MAGI2: variants seen among roughly 807,000 people sequenced by gnomAD.
The protein encoded by MAGI2 is membrane-associated guanylate kinase, WW and PDZ domain-containing protein 2.
A neutral mutation model predicts 133.3 loss-of-function variants in MAGI2; 35 were observed. That is an observed-to-expected ratio of 0.26 (90% confidence interval 0.20 to 0.35). MAGI2 has a LOEUF of 0.35. MAGI2 is among the 10% of genes least tolerant of loss of function. The pLI is 1.00. For synonymous variants in MAGI2, 729 were observed against 710.6 expected (o/e 1.03, Z -0.41); for missense variants, 1,636 against 1,863.4 (o/e 0.88, Z 2.25).
intron 2 of MAGI2, among the ~76,000 whole-genome samples, chr7:78,846,278 T>C (rs1792597899): frequency 6.6e-6 from 1 of 151,942 alleles, no homozygotes; most frequent in African/African-American, 2.4e-5. Flanking sequence ...AAATATGCCT[T>C]TTTCAAAGTG....
At chr7:78,433,447 T>G (rs1799981590) in intron 6 of MAGI2, among the ~76,000 whole-genome samples, 1 of 152,104 alleles carries the variant, frequency 6.6e-6, no homozygotes, top group African/African-American at 2.4e-5. Flanking sequence ...ATTTGTTTCC[T>G]CTCAGCCTGC....
intron 6 of MAGI2, among the ~76,000 whole-genome samples, chr7:78,402,546 C>A (rs1269327133): frequency 1.3e-5 from 2 of 152,164 alleles, no homozygotes; most frequent in Non-Finnish European, 2.9e-5. Context: ...TCATGCTATA[C>A]AGTCTTATTC....
chr7:78,326,189 T>C (rs548160014), intron 9 of MAGI2, among the ~76,000 whole-genome samples: 31 of 152,198 alleles, frequency 2.0e-4, no homozygotes, highest in Non-Finnish European at 4.3e-4. Flanking sequence ...CCCAGGCTCA[T>C]AGTAAATGCT....
At chr7:79,133,485 T>C (rs1367745933) in intron 1 of MAGI2, among the ~76,000 whole-genome samples, 1 of 152,218 alleles carries the variant, frequency 6.6e-6, no homozygotes, top group African/African-American at 2.4e-5. Context: ...ATTTCTGGGA[T>C]CTCTGTTCTG....
chr7:78,973,032 G>A (rs892908292), intron 2 of MAGI2, among the ~76,000 whole-genome samples: 6 of 151,578 alleles, frequency 4.0e-5, no homozygotes, highest in African/African-American at 1.5e-4. Flanking sequence ...AGTAGTTACA[G>A]GTACAAAAAC....
intron 2 of MAGI2, among the ~76,000 whole-genome samples, chr7:78,751,734 A>G (rs1490318155): frequency 6.6e-6 from 1 of 152,222 alleles, no homozygotes; most frequent in East Asian, 1.9e-4. Flanking sequence ...ACTATAATAT[A>G]TGATTATCTG....
At chr7:79,050,753 C>A (rs1812602830) in intron 1 of MAGI2, among the ~76,000 whole-genome samples, 1 of 152,206 alleles carries the variant, frequency 6.6e-6, no homozygotes, top group South Asian at 2.1e-4. Context: ...AAGTTTGACT[C>A]ACCAACATTC....
intron 10 of MAGI2, among the ~76,000 whole-genome samples, chr7:78,220,241 C>T (rs150538299): frequency 1.1e-3 from 174 of 152,266 alleles, no homozygotes; most frequent in African/African-American, 3.9e-3. Context: ...TTGCCTGGCA[C>T]GAAGTTACCT....
intron 1 of MAGI2, among the ~76,000 whole-genome samples, chr7:79,069,467 C>T (rs919512849): frequency 6.6e-5 from 10 of 152,162 alleles, no homozygotes; most frequent in African/African-American, 2.2e-4. Context: ...TTCCTCCATC[C>T]TTTTATTTTG....
chr7:78,885,692 A>C (rs1188325262), intron 2 of MAGI2, among the ~76,000 whole-genome samples: 2 of 151,608 alleles, frequency 1.3e-5, no homozygotes, highest in Non-Finnish European at 2.9e-5. Context: ...TCCATGTTTA[A>C]AATGTATACA....
intron 9 of MAGI2, among the ~76,000 whole-genome samples, chr7:78,311,274 G>A (rs1332826734): frequency 6.6e-6 from 1 of 152,186 alleles, no homozygotes; most frequent in Admixed American, 6.5e-5. Context: ...GATCCCAGGA[G>A]CAGTGGGGAG....
intron 1 of MAGI2, among the ~76,000 whole-genome samples, chr7:79,367,858 C>CACATATATATATATATGTGACACATAT: frequency 2.1e-4 from 18 of 87,142 alleles, no homozygotes; most frequent in African/African-American, 7.4e-4. Flanking sequence ...ATATATGTGA[C>CACATATATATATATATGTGACACATAT]ATATATATAT....
chr7:78,292,187 T>A (rs1010828397), intron 9 of MAGI2, among the ~76,000 whole-genome samples: 1 of 152,146 alleles, frequency 6.6e-6, no homozygotes, highest in African/African-American at 2.4e-5. Flanking sequence ...GAAAACCCCA[T>A]TGTCTCAGCC....
chr7:78,573,309 T>C (rs1392640004), intron 3 of MAGI2, among the ~76,000 whole-genome samples: 3 of 48,858 alleles, frequency 6.1e-5, no homozygotes, highest in African/African-American at 2.4e-4. Context: ...TATTTATATA[T>C]ATAAATATAT....
chr7:79,363,398 G>A (rs1324047921), intron 1 of MAGI2, among the ~76,000 whole-genome samples: 4 of 148,256 alleles, frequency 2.7e-5, no homozygotes, highest in African/African-American at 9.8e-5. Context: ...AACATAGTAA[G>A]AATATATATT....
intron 1 of MAGI2, among the ~76,000 whole-genome samples, chr7:79,401,402 G>A (rs1173377788): frequency 6.6e-6 from 1 of 152,176 alleles, no homozygotes; most frequent in African/African-American, 2.4e-5. Flanking sequence ...TTTCAGGCAG[G>A]AGATAGAATG....
chr7:79,060,068 G>A (rs1165641167), intron 1 of MAGI2, among the ~76,000 whole-genome samples: 1 of 152,006 alleles, frequency 6.6e-6, no homozygotes, highest in Admixed American at 6.6e-5. Context: ...GATCAGCTAA[G>A]GAGAAGAAAT....
At chr7:78,761,417 A>G (rs1824493599) in intron 2 of MAGI2, among the ~76,000 whole-genome samples, 1 of 152,152 alleles carries the variant, frequency 6.6e-6, no homozygotes, top group Non-Finnish European at 1.5e-5. Flanking sequence ...CCCAAACATC[A>G]ATGAAGAATT....
intron 21 of MAGI2, among the ~76,000 whole-genome samples, chr7:78,070,537 C>T (rs144439961): frequency 0.54 from 64,117 of 119,354 alleles, 15,218 homozygotes; most frequent in East Asian, 0.69. Flanking sequence ...TATATGTGTA[C>T]ATATGTATAT....
Sources: gnomAD v4.1 joint callset for allele counts (sites outside exome capture counted in the v4.1 genomes callset) on GRCh38, gnomAD v4.1.1 for gene constraint, MANE v1.5 for transcripts, NCBI Gene and HGNC (gene_info 2026-07-23, HGNC 2026-07-21) for gene names.